Variants in ADARB1 observed in about 807,000 individuals in gnomAD.
The protein encoded by ADARB1 is double-stranded RNA-specific editase 1.
A neutral mutation model predicts 52.4 loss-of-function variants in ADARB1; 10 were observed. The observed-to-expected ratio is 0.19, with a 90% CI of 0.12 to 0.32. The LOEUF (loss-of-function observed/expected upper bound fraction) is 0.32, where lower values mean the gene tolerates loss of function less well. Ranked by LOEUF, ADARB1 falls within the 10% of genes least tolerant of loss-of-function variation. The pLI, the probability that ADARB1 is intolerant of heterozygous loss-of-function variation, is 1.00. For missense variants in ADARB1, 643 were observed against 922.3 expected (o/e 0.70, Z 3.92); for synonymous variants, 349 against 371.1 (o/e 0.94, Z 0.68).
chr21:45,169,228 C>T lies in ADARB1; in HGVS notation c.-47-2382C>T, dbSNP rs180786878. On this transcript the variant is annotated intron_variant, in intron 2 of 10. Transcript: ENST00000348831. ...AGCCTGGTGGAAATGAAGATTGTGG[C>T]TTGTCACTCAGCCTTGTCTGACACC... Among the ~76,000 whole-genome samples the T allele has an allele frequency of 2.0e-5, 3 of 152,340 alleles. No individual in the cohort carries two copies. In the East Asian group the frequency reaches 5.8e-4, roughly 29 times the overall value.
At chr21:45,166,918 A>G (rs1397548380) in intron 2 of ADARB1, among the ~76,000 whole-genome samples, 1 of 151,944 alleles carries the variant, frequency 6.6e-6, no homozygotes, top group Non-Finnish European at 1.5e-5. Flanking sequence ...ATTTTGTTCC[A>G]TAGGGGATAT....
chr21:45,139,933 CTTTTTT>C (rs200847132), intron 2 of ADARB1, among the ~76,000 whole-genome samples: 187 of 84,948 alleles, frequency 2.2e-3, no homozygotes, highest in East Asian at 0.014. Context: ...CAATAAAACT[CTTTTTT>C]TTTTTTTTTT....
intron 2 of ADARB1, among the ~76,000 whole-genome samples, chr21:45,141,638 C>T (rs1160362810): frequency 3.3e-5 from 5 of 152,036 alleles, no homozygotes; most frequent in Non-Finnish European, 5.9e-5. Context: ...CTTCACCACC[C>T]GTGGGTCCCT....
At chr21:45,124,883 G>A (rs1346730995) in intron 1 of ADARB1, among the ~76,000 whole-genome samples, 1 of 151,426 alleles carries the variant, frequency 6.6e-6, no homozygotes, top group Non-Finnish European at 1.5e-5. Flanking sequence ...CTGCAGCCTC[G>A]ACCATTCAGG....
At chr21:45,156,368 A>G (rs1419124138) in intron 2 of ADARB1, among the ~76,000 whole-genome samples, 1 of 96,692 alleles carries the variant, frequency 1.0e-5, no homozygotes, top group Non-Finnish European at 2.1e-5. Flanking sequence ...CCCACCCATC[A>G]TCACCCATCA....
At chr21:45,107,760 A>G (rs945685839) in intron 1 of ADARB1, among the ~76,000 whole-genome samples, 3 of 152,250 alleles carry the variant, frequency 2.0e-5, no homozygotes, top group African/African-American at 7.2e-5. Context: ...ACATGGTTGA[A>G]TATTACCTAT....
intron 2 of ADARB1, among the ~76,000 whole-genome samples, chr21:45,148,194 T>C (rs1185431801): frequency 1.3e-5 from 2 of 152,156 alleles, no homozygotes; most frequent in Non-Finnish European, 2.9e-5. Flanking sequence ...TGGTTTTCAC[T>C]CCTTTATGCC....
In ADARB1 at chr21:45,099,435, C is replaced by T. The variant is rs1044210166; in HGVS notation, c.-220+24642C>T. ...ATCCCAGCGCTTTGGGAGGCCGAGG[C>T]GGGTGGATCACTTGAGGTCAGGAGT... On this transcript the variant is annotated intron_variant, in intron 1 of 10. Transcript: ENST00000348831. Among the ~76,000 whole-genome samples the T allele has an allele frequency of 4.6e-4, 70 of 151,972 alleles. 1 individual carries two copies. Among genetic ancestry groups the T allele is most frequent in the African/African-American group, 4.8e-5 (2 of 41,356 alleles).
chr21:45,085,358 A>T (rs575121204), intron 1 of ADARB1, among the ~76,000 whole-genome samples: 1 of 152,160 alleles, frequency 6.6e-6, no homozygotes, highest in South Asian at 2.1e-4. Context: ...GGTGGAAAAC[A>T]CTTACTACTT....
At position 45,078,232 on chromosome 21, in the gene ADARB1, G is replaced by A. The variant is rs114090936; in HGVS notation, c.-220+3439G>A. Among the ~76,000 whole-genome samples, 306 of 152,274 alleles carry A rather than the reference G, an allele frequency of 2.0e-3. 3 individuals are homozygous for A. Among genetic ancestry groups the A allele is most frequent in the African/African-American group, 7.0e-3 (289 of 41,536 alleles). ...GAGATACCTTGTATTTTTATTGGAA[G>A]TACAGTGAAATGGAAGCTCTACTTG... On this transcript the variant is annotated intron_variant, in intron 1 of 10. Coordinates refer to ENST00000348831, the MANE Select transcript of ADARB1 (RefSeq NM_001112.4).
Position 45,183,407 on chromosome 21 carries a change from A to G in ADARB1, c.1293A>G (p.Arg431=). ...GATCCATCTTTCAGAAATCAGAGCGAGGGGGGTTTAGGCTGAAGGAGAATG... is the reference window on the plus strand; with the variant it reads ...GATCCATCTTTCAGAAATCAGAGCGGGGGGGGTTTAGGCTGAAGGAGAATG... ...QKRSIFQKSE[R]GGFRLKENVQ... Residue 431 remains arginine, a synonymous_variant, in exon 7 of 11, where the codon CGA becomes CGG. Coordinates refer to ENST00000348831, the MANE Select transcript of ADARB1 (RefSeq NM_001112.4). 1 of 1,608,914 alleles carries G rather than the reference A, an allele frequency of 6.2e-7. No individual in the cohort carries two copies. Among genetic ancestry groups the G allele is most frequent in the Non-Finnish European group, 8.5e-7 (1 of 1,178,588 alleles).
intron 2 of ADARB1, among the ~76,000 whole-genome samples, chr21:45,165,663 A>G (rs1159489622): frequency 6.6e-6 from 1 of 152,166 alleles, no homozygotes; most frequent in African/African-American, 2.4e-5. Context: ...TGAGTTTCAG[A>G]TTGTTTTCGT....
intron 8 of ADARB1, among the ~76,000 whole-genome samples, chr21:45,201,215 C>T (rs1341754880): frequency 6.6e-6 from 1 of 152,206 alleles, no homozygotes; most frequent in Non-Finnish European, 1.5e-5. Flanking sequence ...CTGTGTCTGA[C>T]ACCCTCTCGC....
At chr21:45,111,787 C>A in intron 1 of ADARB1, among the ~76,000 whole-genome samples, 1 of 152,170 alleles carries the variant, frequency 6.6e-6, no homozygotes, top group Non-Finnish European at 1.5e-5. Context: ...GATAGTTAGA[C>A]GGTTTCCAGT....
At chr21:45,082,055 T>G (rs941493818) in intron 1 of ADARB1, among the ~76,000 whole-genome samples, 4 of 152,168 alleles carry the variant, frequency 2.6e-5, no homozygotes, top group Non-Finnish European at 4.4e-5. Flanking sequence ...AGATCAGGTC[T>G]TGGAGACAAG....
At chr21:45,184,803 C>T (rs1423385806) in intron 7 of ADARB1, 120 bp from the exon 8 acceptor site, 3 of 1,101,050 alleles carry the variant, frequency 2.7e-6, no homozygotes, top group Non-Finnish European at 4.0e-6. Context: ...ATGGCATAAA[C>T]ATATGCATTT....
chr21:45,144,766 G>A, intron 2 of ADARB1: 1 of 373,190 alleles, frequency 2.7e-6, no homozygotes, highest in Non-Finnish European at 5.4e-6. Flanking sequence ...TGCCCCACCA[G>A]GGCACCTTTC....
At chr21:45,104,505 A>G (rs2087163108) in intron 1 of ADARB1, among the ~76,000 whole-genome samples, 1 of 152,146 alleles carries the variant, frequency 6.6e-6, no homozygotes, top group African/African-American at 2.4e-5. Context: ...CAGCTTGGAG[A>G]TACAAAGAAT....
intron 4 of ADARB1, chr21:45,177,015 G>A (rs1056578222): frequency 3.4e-5 from 7 of 208,836 alleles, no homozygotes; most frequent in African/African-American, 4.6e-5. Flanking sequence ...GACGGAAGAA[G>A]AGCCCAGTCT....
Sources: allele counts gnomAD v4.1 joint callset (sites outside exome capture counted in the v4.1 genomes callset), GRCh38; gene constraint gnomAD v4.1.1; transcripts MANE v1.5; gene names NCBI Gene and HGNC (gene_info 2026-07-23, HGNC 2026-07-21).